SLIT3: variants seen among roughly 807,000 people sequenced by gnomAD.
SLIT3 encodes slit homolog 3 protein.
In SLIT3, 68 loss-of-function variants were observed where a neutral mutation model predicts 184.0. That is an observed-to-expected ratio of 0.37 (90% CI 0.30 to 0.45). SLIT3 has a LOEUF of 0.45. Among genes scored for constraint, SLIT3 ranks in the 20% least tolerant of loss-of-function variants. The pLI, the probability that SLIT3 is intolerant of heterozygous loss-of-function variation, is 1.00. For missense variants in SLIT3, 1,707 were observed against 2,026.0 expected, an observed-to-expected ratio of 0.84 and a Z score of 3.02; for synonymous variants, 831 against 828.6, an observed-to-expected ratio of 1.00 and a Z score of -0.05.
At chr5:169,193,285 T>C (rs1195607388) in intron 4 of SLIT3, among the ~76,000 whole-genome samples, 194 bp downstream of exon 4, 1 of 152,174 alleles carries the variant, frequency 6.6e-6, no homozygotes, top group East Asian at 1.9e-4. Context: ...CGCTGATGTC[T>C]GAGAGAAGGA....
chr5:168,843,582 G>A (rs1373462664), intron 6 of SLIT3, among the ~76,000 whole-genome samples: 3 of 152,168 alleles, frequency 2.0e-5, no homozygotes, highest in Non-Finnish European at 4.4e-5. Flanking sequence ...TTTTACAAAT[G>A]AGGAAACTGA....
chr5:168,807,501 T>C (rs141227252), intron 8 of SLIT3, among the ~76,000 whole-genome samples: 2 of 152,174 alleles, frequency 1.3e-5, no homozygotes, highest in Admixed American at 6.5e-5. Context: ...CAAATGTGGA[T>C]TTTTTGGTCC....
chr5:168,670,838 A>G (rs182083308), intron 34 of SLIT3, among the ~76,000 whole-genome samples: 2 of 152,140 alleles, frequency 1.3e-5, no homozygotes, highest in African/African-American at 4.8e-5. Flanking sequence ...ATGTGGTTTG[A>G]TGTGTGGTTA....
intron 15 of SLIT3, among the ~76,000 whole-genome samples, chr5:168,762,225 A>C (rs1170366104): frequency 6.6e-6 from 1 of 152,050 alleles, no homozygotes; most frequent in African/African-American, 2.4e-5. Flanking sequence ...GTTTTACTGT[A>C]AGCTCCGTAA....
intron 20 of SLIT3, among the ~76,000 whole-genome samples, chr5:168,739,021 A>G (rs1763529251): frequency 6.6e-6 from 1 of 151,810 alleles, no homozygotes; most frequent in Non-Finnish European, 1.5e-5. Flanking sequence ...AAAATTTTGG[A>G]AAACTTTTCA....
At chr5:168,817,915 G>A (rs945672239) in intron 7 of SLIT3, among the ~76,000 whole-genome samples, 2 of 152,072 alleles carry the variant, frequency 1.3e-5, no homozygotes, top group African/African-American at 2.4e-5. Flanking sequence ...GCTGAGAGAC[G>A]CTGTTGCCTT....
intron 5 of SLIT3, among the ~76,000 whole-genome samples, chr5:168,878,907 G>T (rs918056403): frequency 1.3e-5 from 2 of 152,002 alleles, no homozygotes; most frequent in African/African-American, 4.8e-5. Flanking sequence ...TACAGATGGG[G>T]TTTCACCATG....
intron 25 of SLIT3, among the ~76,000 whole-genome samples, chr5:168,708,892 T>C (rs559482696): frequency 6.6e-6 from 1 of 152,214 alleles, no homozygotes; most frequent in South Asian, 2.1e-4. Flanking sequence ...TGTTTGTGGA[T>C]GAGTAAAAAG....
chr5:168,903,850 T>C (rs575681660), intron 4 of SLIT3, among the ~76,000 whole-genome samples: 1 of 152,354 alleles, frequency 6.6e-6, no homozygotes, highest in African/African-American at 2.4e-5. Context: ...TAGAATTGTT[T>C]TGTCAAATGG....
rs190501155 is a variant in SLIT3, at chr5:169,126,168, C to A, written c.413+67311G>T. ...TTAGACATCAAAGGACCTTGTAGGA[C>A]TATCTTCCTTTGCAGGATCCTTTGA... On this transcript the variant is annotated intron_variant, in intron 4 of 35. Transcript: ENST00000519560. 8.5e-5 allele frequency among the ~76,000 whole-genome samples: 13 copies of A among 152,362 alleles called. No individual in the cohort carries two copies. The East Asian group carries it at 2.5e-3, about 29-fold the overall frequency.
At chr5:168,702,819 G>A (rs1001602346) in intron 26 of SLIT3, among the ~76,000 whole-genome samples, 13 of 152,134 alleles carry the variant, frequency 8.5e-5, no homozygotes, top group Non-Finnish European at 1.6e-4. Flanking sequence ...AGTGGTGGTG[G>A]CCAACACATG....
At chr5:169,156,451 C>G (rs375831545) in intron 4 of SLIT3, among the ~76,000 whole-genome samples, 4 of 152,342 alleles carry the variant, frequency 2.6e-5, no homozygotes, top group African/African-American at 9.6e-5. Context: ...TGTCAATAGT[C>G]CTCGTGTTCG....
intron 5 of SLIT3, among the ~76,000 whole-genome samples, chr5:168,868,270 T>C (rs1478091688): frequency 1.3e-5 from 2 of 152,160 alleles, no homozygotes; most frequent in Non-Finnish European, 2.9e-5. Context: ...ACTGAATAAG[T>C]CCTTTCCATG....
intron 23 of SLIT3, among the ~76,000 whole-genome samples, chr5:168,718,609 G>A (rs1277833878): frequency 6.7e-6 from 1 of 149,718 alleles, no homozygotes; most frequent in East Asian, 2.0e-4. Context: ...TCCACACAAT[G>A]TTTTGTACTC....
chr5:169,083,044 A>AT (rs1273545976), intron 4 of SLIT3, among the ~76,000 whole-genome samples: 3 of 152,208 alleles, frequency 2.0e-5, no homozygotes, highest in African/African-American at 7.2e-5. Context: ...AACATATGTT[A>AT]TTCAAAATAA....
At chr5:168,706,682 T>C (rs573546634) in intron 26 of SLIT3, 1 of 152,340 alleles carries the variant, frequency 6.6e-6, no homozygotes, top group Admixed American at 6.5e-5. Context: ...GACTCAGTGG[T>C]AAGTTTAAGA....
intron 4 of SLIT3, among the ~76,000 whole-genome samples, chr5:169,087,993 GGGCCACCTATA>G (rs1759382440): frequency 1.3e-5 from 2 of 152,092 alleles, no homozygotes; most frequent in South Asian, 4.1e-4. Context: ...CTTTTTCTCT[GGGCCACCTATA>G]GGCCAGGACT....
At chr5:169,103,518 G>T (rs1760093242) in intron 4 of SLIT3, among the ~76,000 whole-genome samples, 1 of 152,214 alleles carries the variant, frequency 6.6e-6, no homozygotes, top group Non-Finnish European at 1.5e-5. Context: ...AGGTCCCCCA[G>T]TTATCCCTTG....
chr5:168,963,511 A>G (rs1763083222), intron 4 of SLIT3, among the ~76,000 whole-genome samples: 1 of 152,194 alleles, frequency 6.6e-6, no homozygotes, highest in Non-Finnish European at 1.5e-5. Flanking sequence ...GGCTGCTTTC[A>G]CCACACAAGG....
Sources: allele counts gnomAD v4.1 joint callset (sites outside exome capture counted in the v4.1 genomes callset), GRCh38; gene constraint gnomAD v4.1.1; transcripts MANE v1.5; gene names NCBI Gene and HGNC (gene_info 2026-07-23, HGNC 2026-07-21).